Variants in ASTN1 observed in about 807,000 individuals in gnomAD.
The protein encoded by ASTN1 is astrotactin-1.
ASTN1 carries 41 observed loss-of-function variants against 140.7 expected under a neutral mutation model. That is an observed-to-expected ratio of 0.29 (90% CI 0.23 to 0.38). ASTN1 has a LOEUF of 0.38. ASTN1 is among the 10% of genes least tolerant of loss of function. ASTN1 has a pLI of 1.00. For synonymous variants in ASTN1, 640 were observed against 652.2 expected, an observed-to-expected ratio of 0.98 and a Z score of 0.29; for missense variants, 1,479 against 1,678.8, an observed-to-expected ratio of 0.88 and a Z score of 2.08.
intron 8 of ASTN1, among the ~76,000 whole-genome samples, chr1:176,988,128 G>A (rs1300407973): frequency 6.6e-6 from 1 of 152,162 alleles, no homozygotes; most frequent in East Asian, 1.9e-4. Flanking sequence ...ATATCCAAGA[G>A]GTAGTTGAAA....
At chr1:177,001,027 A>G (rs533680377) in intron 8 of ASTN1, among the ~76,000 whole-genome samples, 1 of 152,312 alleles carries the variant, frequency 6.6e-6, no homozygotes, top group South Asian at 2.1e-4. Flanking sequence ...TAAAGATCCA[A>G]TTAGGTTCAG....
chr1:176,876,453 T>A, intron 21 of ASTN1, 84 bp downstream of exon 21: 1 of 1,423,268 alleles, frequency 7.0e-7, no homozygotes, highest in Non-Finnish European at 9.9e-7. Context: ...TCTATTCAAC[T>A]CTCTTGGTCC....
intron 7 of ASTN1, among the ~76,000 whole-genome samples, chr1:177,015,454 A>G (rs902092739): frequency 6.6e-6 from 1 of 152,208 alleles, no homozygotes; most frequent in African/African-American, 2.4e-5. Context: ...GCTAGCTCAT[A>G]GAACAACTAC....
intron 8 of ASTN1, among the ~76,000 whole-genome samples, chr1:177,005,285 A>G (rs1363000247): frequency 6.6e-6 from 1 of 152,212 alleles, no homozygotes; most frequent in Non-Finnish European, 1.5e-5. Context: ...ATACCATTTT[A>G]CCCCAACAAG....
intron 1 of ASTN1, among the ~76,000 whole-genome samples, chr1:177,122,016 G>A (rs1359937042): frequency 6.6e-6 from 1 of 152,172 alleles, no homozygotes; most frequent in Non-Finnish European, 1.5e-5. Flanking sequence ...GGCTCGAGCA[G>A]AAGGAATAAA....
At chr1:176,857,871 C>T (rs1002591343), downstream of ASTN1, among the ~76,000 whole-genome samples, 4 of 152,150 alleles carry the variant, frequency 2.6e-5, no homozygotes, top group African/African-American at 9.7e-5. Flanking sequence ...TTAAGTCCTT[C>T]CAAACCACAG....
chr1:176,880,282 C>T (rs751076464), intron 20 of ASTN1, among the ~76,000 whole-genome samples: 10 of 152,286 alleles, frequency 6.6e-5, no homozygotes, highest in South Asian at 2.1e-4. Context: ...GTGGAGGACT[C>T]GTAAGCCCCC....
Position 176,894,641 on chromosome 1 carries a change from G to T in ASTN1, c.2861C>A (p.Thr954Asn). The change falls in exon 17 of 23, where the codon ACC becomes AAC. Residue 954 changes from threonine to asparagine, a missense_variant. Around this residue, in one of 3 missense-constraint regions of ASTN1, gnomAD observed 746 missense variants for 800.9 expected, o/e 0.93. Coordinates refer to ENST00000361833, the MANE Select transcript of ASTN1 (RefSeq NM_004319.3). Reference sequence around the variant, plus strand: ...CTCCAGCAGAACCGGCTCAGCAGGGGTGTCAGGGCTGGATGTCACATGACA... The same window carrying T: ...CTCCAGCAGAACCGGCTCAGCAGGGTTGTCAGGGCTGGATGTCACATGACA... ...PLCHVTSSPD[T>N]PAEPVLLEVT... 2 of 1,614,106 alleles carry T rather than the reference G, an allele frequency of 1.2e-6. No homozygotes were observed.
At chr1:176,920,126 C>A (rs907805796) in intron 16 of ASTN1, among the ~76,000 whole-genome samples, 2 of 152,264 alleles carry the variant, frequency 1.3e-5, no homozygotes, top group African/African-American at 4.8e-5. Context: ...GTATTTAATT[C>A]TAAATGAGTG....
intron 21 of ASTN1, among the ~76,000 whole-genome samples, chr1:176,871,998 G>A (rs908083513): frequency 3.3e-5 from 5 of 152,106 alleles, no homozygotes; most frequent in East Asian, 1.9e-4. Context: ...TCAGGCAGCC[G>A]GGTAAATTGG....
intron 8 of ASTN1, among the ~76,000 whole-genome samples, chr1:177,014,322 T>C (rs914564567): frequency 2.6e-5 from 4 of 152,228 alleles, no homozygotes; most frequent in African/African-American, 4.8e-5. Flanking sequence ...TACTCTCTTA[T>C]TCAATACAGA....
At chr1:177,084,811 C>A (rs1558084019) in intron 1 of ASTN1, among the ~76,000 whole-genome samples, 1 of 149,932 alleles carries the variant, frequency 6.7e-6, no homozygotes, top group African/African-American at 2.5e-5. Context: ...TTACTGCCTT[C>A]TTTTTTTTTT....
chr1:176,984,097 G>C (rs536068190), intron 8 of ASTN1, among the ~76,000 whole-genome samples: 3 of 152,336 alleles, frequency 2.0e-5, no homozygotes, highest in African/African-American at 7.2e-5. Flanking sequence ...GACAGCAGTG[G>C]AGGCTGTCCT....
intron 16 of ASTN1, among the ~76,000 whole-genome samples, chr1:176,921,261 C>A (rs1323962287): frequency 2.6e-5 from 4 of 152,148 alleles, no homozygotes; most frequent in African/African-American, 9.7e-5. Flanking sequence ...ATTGAACCAA[C>A]TTTCAAAGAG....
intron 13 of ASTN1, among the ~76,000 whole-genome samples, chr1:176,945,287 C>T (rs2103109892): frequency 6.6e-6 from 1 of 151,952 alleles, no homozygotes; most frequent in South Asian, 2.1e-4. Flanking sequence ...TCAATATGTA[C>T]AATATTAGAA....
Position 177,053,128 on chromosome 1 carries a change from G to T in ASTN1, c.471+7950C>A, listed in dbSNP as rs370916097. Among the ~76,000 whole-genome samples the T allele has an allele frequency of 1.3e-4, 20 of 152,316 alleles. No individual in the cohort carries two copies. In the East Asian group the frequency reaches 1.9e-3, roughly 15 times the overall value. On this transcript the variant is annotated intron_variant, in intron 2 of 22. Coordinates refer to ENST00000361833, the MANE Select transcript of ASTN1 (RefSeq NM_004319.3). Reference sequence around the variant, plus strand: ...AGCTTTATTACTATGAATATTACCAGTTTCTAATATTGATTGAAACCTCAT... The same window carrying T: ...AGCTTTATTACTATGAATATTACCATTTTCTAATATTGATTGAAACCTCAT...
chr1:177,102,553 GA>G (rs1005350014), intron 1 of ASTN1, among the ~76,000 whole-genome samples: 6 of 151,114 alleles, frequency 4.0e-5, no homozygotes, highest in East Asian at 1.9e-4. Flanking sequence ...CAAATGCAGG[GA>G]AAAAAAACAC....
chr1:177,135,468 G>C (rs894012168), intron 1 of ASTN1, among the ~76,000 whole-genome samples: 2 of 152,140 alleles, frequency 1.3e-5, no homozygotes, highest in African/African-American at 4.8e-5. Flanking sequence ...CCAAATGACA[G>C]AGGCATGGAG....
intron 7 of ASTN1, among the ~76,000 whole-genome samples, chr1:177,020,487 C>T (rs930482768): frequency 6.6e-6 from 1 of 152,164 alleles, no homozygotes; most frequent in South Asian, 2.1e-4. Context: ...CTCACATCAC[C>T]TCACTCTGAC....
Sources: allele counts gnomAD v4.1 joint callset (sites outside exome capture counted in the v4.1 genomes callset), GRCh38; gene constraint gnomAD v4.1.1; regional missense constraint gnomAD v4.1.1; transcripts MANE v1.5; gene names NCBI Gene and HGNC (gene_info 2026-07-23, HGNC 2026-07-21).